The following IRAG1 variants were observed in gnomAD, a reference collection of about 807,000 sequenced individuals.
The protein encoded by IRAG1 is inositol 1,4,5-triphosphate receptor associated 1, also known as IP3R-associated cGMP kinase substrate.
IRAG1 carries 62 observed loss-of-function variants against 106.2 expected under a neutral mutation model. The ratio of observed to expected loss-of-function variants is 0.58; its 90% CI spans 0.48 to 0.72. The LOEUF is 0.72. Among genes scored for constraint, IRAG1 ranks in the 30% least tolerant of loss-of-function variants. The pLI is 0.00. For missense variants in IRAG1, 1,064 were observed against 1,140.7 expected, an observed-to-expected ratio of 0.93 and a Z score of 0.97; for synonymous variants, 462 against 443.9, an observed-to-expected ratio of 1.04 and a Z score of -0.51.
chr11:10,597,995 A>G (rs72862332), intron 15 of IRAG1, among the ~76,000 whole-genome samples: 1 of 152,250 alleles, frequency 6.6e-6, no homozygotes, highest in Admixed American at 6.5e-5. Context: ...CCTATGAGGA[A>G]GGAGAAAGTG....
At chr11:10,581,774 T>C in intron 19 of IRAG1, 93 bp downstream of exon 19, 1 of 1,482,498 alleles carries the variant, frequency 6.7e-7, no homozygotes, top group South Asian at 1.3e-5. Context: ...CACTGGTTAC[T>C]TCCCTAAAGC....
chr11:10,685,153 T>G (rs1464295773), intron 1 of IRAG1, among the ~76,000 whole-genome samples: 4 of 152,176 alleles, frequency 2.6e-5, no homozygotes, highest in African/African-American at 9.7e-5. Flanking sequence ...CATTCAGAAT[T>G]GCATACTTGG....
Position 10,591,617 on chromosome 11 carries a change from G to A in IRAG1, c.2176-5C>T, listed in dbSNP as rs890109157. On this transcript the variant is annotated splice_region_variant and splice_polypyrimidine_tract_variant and intron_variant, in intron 17 of 20. Coordinates refer to ENST00000423302, the MANE Select transcript of IRAG1 (RefSeq NM_130385.4). ...TTTCCCATTGGGTGATTCCGACTGAGTGAAAAACAGAAGACAGAGAATTGA... is the reference window on the plus strand; with the variant it reads ...TTTCCCATTGGGTGATTCCGACTGAATGAAAAACAGAAGACAGAGAATTGA... 3.1e-6 allele frequency: 5 copies of A among 1,588,046 alleles called. No homozygotes were observed. The African/African-American group carries it at 6.7e-5, about 21-fold the overall frequency.
rs760987299 is a variant in IRAG1 at position 10,629,595 on chromosome 11, G to A, written c.517C>T (p.Arg173Ter). 2 of 1,613,954 alleles carry A rather than the reference G, an allele frequency of 1.2e-6. No individual in the cohort carries two copies. The highest frequency in any genetic ancestry group is 1.7e-5 in the Admixed American group (1 of 60,018). The change falls in exon 5 of 21, where the codon CGA (arginine) becomes TGA (stop). Residue 173 changes from arginine (R) to a stop codon, truncating the protein, a stop_gained. Transcript: ENST00000423302. LOFTEE classifies it high-confidence loss of function. Reference protein sequence around the residue: ...LLEEAKLVSERFLTRRGRKSR... With the variant: ...LLEEAKLVSE Reference sequence around the variant, plus strand: ...TTCCTCCCACGGCGGGTCAGGAATCGCTCACTCACCAACTTGGCTTCTTCC... The same window carrying A: ...TTCCTCCCACGGCGGGTCAGGAATCACTCACTCACCAACTTGGCTTCTTCC...
At chr11:10,593,402 C>G (rs1852900088) in intron 17 of IRAG1, 90 bp downstream of exon 17, 2 of 1,010,804 alleles carry the variant, frequency 2.0e-6, no homozygotes, top group Admixed American at 4.7e-5. Context: ...ACCCTGCCCC[C>G]ATTTGGTCAC....
chr11:10,634,011 C>G lies in IRAG1; in HGVS notation c.286G>C (p.Ala96Pro). Residue 96 changes from alanine (A) to proline (P), a missense_variant, in exon 3 of 21, where the codon GCC becomes CCC. Physicochemically the swap from Ala to Pro is conservative, Grantham distance 27. Coordinates refer to ENST00000423302, the MANE Select transcript of IRAG1 (RefSeq NM_130385.4). The part of the protein sequence containing the change: ...PTPTIVLTGD[A>P]TSPEGETDKN... ...TCGGTTTCTCCTTCTGGTGAAGTGG[C>G]ATCCCCAGTCAGGACAATCGTGGGA... 1 of 1,612,500 alleles carries G rather than the reference C, an allele frequency of 6.2e-7. No homozygotes were observed. The highest frequency in any genetic ancestry group is 8.5e-7 in the Non-Finnish European group (1 of 1,179,070).
intron 10 of IRAG1, among the ~76,000 whole-genome samples, chr11:10,613,592 T>G (rs1855159041): frequency 6.6e-6 from 1 of 152,228 alleles, no homozygotes; most frequent in African/African-American, 2.4e-5. Flanking sequence ...TTTTTACATT[T>G]AAGTCTAAGG....
At chr11:10,619,524 G>T (rs541879479) in intron 10 of IRAG1, among the ~76,000 whole-genome samples, 3 of 152,328 alleles carry the variant, frequency 2.0e-5, no homozygotes, top group Admixed American at 2.0e-4. Flanking sequence ...AAGTCTGCAA[G>T]TATTCATTAA....
chr11:10,609,606 C>T, intron 11 of IRAG1, 122 bp downstream of exon 11: 2 of 1,164,062 alleles, frequency 1.7e-6, no homozygotes, highest in Non-Finnish European at 2.4e-6. Flanking sequence ...CCTATCTAGA[C>T]AATTGGACTT....
chr11:10,671,916 G>T (rs930200108), intron 1 of IRAG1, among the ~76,000 whole-genome samples: 2 of 151,900 alleles, frequency 1.3e-5, no homozygotes, highest in Admixed American at 6.6e-5. Flanking sequence ...CTAAAAAGAA[G>T]AAAAAAATTA....
intron 7 of IRAG1, 23 bp downstream of exon 7, chr11:10,627,950 C>T: frequency 1.9e-6 from 3 of 1,595,632 alleles, no homozygotes; most frequent in South Asian, 1.1e-5. Flanking sequence ...AGAAACAGCA[C>T]AGCAGGTGGG....
At chr11:10,668,499 CA>C (rs1859964097) in intron 1 of IRAG1, among the ~76,000 whole-genome samples, 1 of 152,170 alleles carries the variant, frequency 6.6e-6, no homozygotes, top group Non-Finnish European at 1.5e-5. Flanking sequence ...AAATTTTTAT[CA>C]AAATACAGCA....
intron 17 of IRAG1, among the ~76,000 whole-genome samples, chr11:10,592,880 G>A (rs1852835106): frequency 6.6e-6 from 1 of 152,046 alleles, no homozygotes; most frequent in Non-Finnish European, 1.5e-5. Context: ...CTTTTAAAAA[G>A]TACAAAACAG....
intron 20 of IRAG1, among the ~76,000 whole-genome samples, chr11:10,579,606 T>TGTGGG (rs1001717871): frequency 3.1e-4 from 13 of 41,690 alleles, no homozygotes; most frequent in African/African-American, 1.2e-3. Context: ...TTATTATATC[T>TGTGGG]GTGGGGTAGA....
chr11:10,601,174 A>G, intron 14 of IRAG1, 115 bp from the exon 15 acceptor site: 1 of 1,408,092 alleles, frequency 7.1e-7, no homozygotes, highest in South Asian at 1.3e-5. Flanking sequence ...CAGGGACAAG[A>G]CTCTGCCCTC....
At chr11:10,662,820 G>A (rs1009125927) in intron 1 of IRAG1, among the ~76,000 whole-genome samples, 3 of 152,198 alleles carry the variant, frequency 2.0e-5, no homozygotes, top group Admixed American at 2.0e-4. Context: ...GGTATTAGGG[G>A]TCCTGGCAAT....
Position 10,626,420 on chromosome 11 carries a change from C to A in IRAG1, c.914G>T (p.Gly305Val). The change falls in exon 9 of 21, where the codon GGC (glycine) becomes GTC (valine). Residue 305 changes from glycine (G) to valine (V), a missense_variant. Gly to Val is a moderately radical substitution (Grantham distance 109). Coordinates refer to ENST00000423302, the MANE Select transcript of IRAG1 (RefSeq NM_130385.4). ...PLQYPETTPK[G>V]LAPVTNSSGK... is the part of the protein sequence containing the mutation. ...ACTGCTGTTTGTAACAGGAGCTAGG[C>A]CTTTGGGTGTGGTCTCGGGGTACTG... 1.2e-6 allele frequency: 2 copies of A among 1,613,942 alleles called. No individual in the cohort carries two copies. Among genetic ancestry groups the A allele is most frequent in the Middle Eastern group, 1.6e-4 (1 of 6,062 alleles).
chr11:10,583,505 G>A (rs1851601163), intron 18 of IRAG1, among the ~76,000 whole-genome samples: 1 of 152,190 alleles, frequency 6.6e-6, no homozygotes. Flanking sequence ...GAGGTCAACA[G>A]GAGCCTCTGT....
intron 2 of IRAG1, among the ~76,000 whole-genome samples, chr11:10,651,422 C>A (rs7938635): frequency 0.21 from 32,617 of 152,154 alleles, 4,720 homozygotes; most frequent in East Asian, 0.77. Context: ...AATATACCCA[C>A]ACCAAAATCA....
Sources: allele counts gnomAD v4.1 joint callset (sites outside exome capture counted in the v4.1 genomes callset), GRCh38; gene constraint gnomAD v4.1.1; transcripts MANE v1.5; gene names NCBI Gene and HGNC (gene_info 2026-07-23, HGNC 2026-07-21).